The following B4GALNT3 variants were observed in gnomAD, a reference collection of about 807,000 sequenced individuals.
The protein encoded by B4GALNT3 is beta-1,4-N-acetyl-galactosaminyltransferase 3.
A neutral mutation model predicts 120.2 loss-of-function variants in B4GALNT3; 86 were observed. The observed-to-expected ratio is 0.72, with a 90% CI of 0.60 to 0.86. The LOEUF (loss-of-function observed/expected upper bound fraction) is 0.86. B4GALNT3 is among the 40% of genes least tolerant of loss of function. B4GALNT3 has a pLI of 0.00. For synonymous variants in B4GALNT3, 518 were observed against 510.4 expected, an observed-to-expected ratio of 1.01 and a Z score of -0.20; for missense variants, 1,167 against 1,298.9, an observed-to-expected ratio of 0.90 and a Z score of 1.56.
rs1946556694 is a variant in B4GALNT3 at position 511,438 on chromosome 12, C to CCTT, written c.170-23726_170-23724dup. ...ACCTTCCACCTTCCACCTTCTTCCA[C>CCTT]CTTCCACCTTCCACCTTCTTCCACC... On this transcript the variant is annotated intron_variant, in intron 1 of 19. Coordinates refer to ENST00000266383, the MANE Select transcript of B4GALNT3 (RefSeq NM_173593.4). Among the ~76,000 whole-genome samples the CCTT allele has an allele frequency of 1.0e-4, 6 of 59,398 alleles. 1 individual carries two copies. The highest frequency in any genetic ancestry group is 8.4e-4 in the South Asian group (1 of 1,194). 39.0% of individuals were successfully genotyped at this position (59,398 alleles called of 152,430 possible).
At chr12:474,966 A>G (rs1372357407) in intron 1 of B4GALNT3, among the ~76,000 whole-genome samples, 3 of 148,048 alleles carry the variant, frequency 2.0e-5, no homozygotes, top group Non-Finnish European at 3.0e-5. Context: ...AAAAAAAAAA[A>G]AGCCAAGTGT....
chr12:470,926 G>A (rs28615635), intron 1 of B4GALNT3, among the ~76,000 whole-genome samples: 12,529 of 151,336 alleles, frequency 0.083, 1,033 homozygotes, highest in African/African-American at 0.22. Flanking sequence ...TTTAGGTTTC[G>A]CCATGTTGGT....
chr12:555,156 C>T (rs556800832), intron 14 of B4GALNT3: 24 of 313,624 alleles, frequency 7.7e-5, no homozygotes, highest in African/African-American at 2.2e-4. Context: ...CCAGCCTGGG[C>T]GACAGAGTGA....
intron 1 of B4GALNT3, among the ~76,000 whole-genome samples, chr12:511,544 T>TCCTTCCA (rs1343213542): frequency 8.8e-6 from 1 of 114,114 alleles, no homozygotes; most frequent in African/African-American, 3.4e-5. Context: ...CCTTCTACCT[T>TCCTTCCA]CCTTCCACCT....
intron 1 of B4GALNT3, among the ~76,000 whole-genome samples, chr12:534,391 G>A (rs142808439): frequency 4.6e-5 from 7 of 152,220 alleles, no homozygotes; most frequent in East Asian, 1.9e-4. Flanking sequence ...GCCGGCCGCC[G>A]GACTGATTCT....
chr12:464,676 G>A (rs1946059685), intron 1 of B4GALNT3, among the ~76,000 whole-genome samples: 1 of 152,062 alleles, frequency 6.6e-6, no homozygotes, highest in Non-Finnish European at 1.5e-5. Flanking sequence ...CAGAGCCAAG[G>A]GATGACATTT....
chr12:460,276 TGGGCCGGGACGCG>T lies in B4GALNT3; in HGVS notation c.-96_-84del. 1 of 873,136 alleles carries T rather than the reference TGGGCCGGGACGCG, an allele frequency of 1.1e-6. No homozygotes were observed. Among genetic ancestry groups the T allele is most frequent in the Non-Finnish European group, 1.4e-6 (1 of 730,874 alleles). 54.1% of individuals were successfully genotyped at this position (873,136 alleles called of 1,614,324 possible). A position where few individuals can be genotyped will look rare whatever the true frequency, so the allele number is the denominator to read the frequency against. On this transcript the variant is annotated 5_prime_UTR_variant, in exon 1 of 20. Coordinates refer to ENST00000266383, the MANE Select transcript of B4GALNT3 (RefSeq NM_173593.4). This position sits in a 1 kb window ranked among gnomAD's most constrained non-coding sequence, Gnocchi z 8.0. ...CGGCCTCGGCGCAGCCCTGAGACGC[TGGGCCGGGACGCG>T]GGGCGCCCTGGGCGCGGGGCCCGGC...
rs1405722514 is a variant in B4GALNT3 at position 550,910 on chromosome 12, C to T, written c.998-12C>T. The T allele has an allele frequency of 6.3e-7, 1 of 1,596,524 alleles. No homozygotes were observed. Among genetic ancestry groups the T allele is most frequent in the Admixed American group, 1.7e-5 (1 of 59,960 alleles). The stretch of plus-strand genomic sequence containing the variant: ...ACCCTCACCCTCACTCCTCCTCCTC[C>T]ACTGTCCTCAGTGCCTCTGATCCCC... On this transcript the variant is annotated splice_polypyrimidine_tract_variant and intron_variant, in intron 10 of 19. Coordinates refer to ENST00000266383, the MANE Select transcript of B4GALNT3 (RefSeq NM_173593.4). This position sits in a 1 kb window ranked among gnomAD's most constrained non-coding sequence, Gnocchi z 4.1.
At chr12:464,400 C>T (rs1200032329) in intron 1 of B4GALNT3, among the ~76,000 whole-genome samples, 5 of 151,966 alleles carry the variant, frequency 3.3e-5, no homozygotes, top group African/African-American at 7.3e-5. Flanking sequence ...GAGGCCGAGG[C>T]GGGCAGATCA....
chr12:552,035 C>T, intron 11 of B4GALNT3, 28 bp from the exon 12 acceptor site: 1 of 1,502,264 alleles, frequency 6.7e-7, no homozygotes, highest in Non-Finnish European at 9.3e-7. Context: ...CACTCTCTTA[C>T]TCCTGCTGCT....
rs527555025 is a variant in B4GALNT3 at position 497,741 on chromosome 12, C to T, written c.169+37196C>T. Reference sequence around the variant, plus strand: ...GGTGGTCACTTTTCCTCATGCTTGACCTCCCGCTCTTTGTGTCTAAGTCAG... The same window carrying T: ...GGTGGTCACTTTTCCTCATGCTTGATCTCCCGCTCTTTGTGTCTAAGTCAG... On this transcript the variant is annotated intron_variant, in intron 1 of 19. Coordinates refer to ENST00000266383, the MANE Select transcript of B4GALNT3 (RefSeq NM_173593.4). Among the ~76,000 whole-genome samples the T allele has an allele frequency of 9.2e-5, 14 of 152,276 alleles. No homozygotes were observed. In the East Asian group the frequency reaches 2.7e-3, roughly 29 times the overall value.
intron 14 of B4GALNT3, among the ~76,000 whole-genome samples, chr12:555,974 A>G (rs7315420): frequency 0.2 from 30,494 of 149,846 alleles, 5,192 homozygotes; most frequent in African/African-American, 0.47. Context: ...TAGTAGAGAC[A>G]GGGTTTCACC....
chr12:523,791 A>C (rs1946735157), intron 1 of B4GALNT3, among the ~76,000 whole-genome samples: 1 of 152,256 alleles, frequency 6.6e-6, no homozygotes, highest in Non-Finnish European at 1.5e-5. Flanking sequence ...GGCCGGGCGC[A>C]GTGGCTCATG....
In B4GALNT3 at chr12:549,765, C is replaced by T. The variant is rs949138813; in HGVS notation, c.854-4C>T. 16 of 1,613,644 alleles carry T rather than the reference C, an allele frequency of 9.9e-6. No homozygotes were observed. The highest frequency in any genetic ancestry group is 1.4e-5 in the Non-Finnish European group (16 of 1,180,044). ...CTCCTGCTTTCTTTCCTCCCTGCGC[C>T]CAGATGAGACGTTCCTACAGATGGA... On this transcript the variant is annotated splice_polypyrimidine_tract_variant and splice_region_variant and intron_variant, in intron 9 of 19. Coordinates refer to ENST00000266383, the MANE Select transcript of B4GALNT3 (RefSeq NM_173593.4).
intron 1 of B4GALNT3, among the ~76,000 whole-genome samples, chr12:494,460 G>C (rs1946370981): frequency 6.6e-6 from 1 of 152,088 alleles, no homozygotes. Context: ...ACTGAACTTA[G>C]AAGCCAAGAG....
intron 1 of B4GALNT3, among the ~76,000 whole-genome samples, chr12:502,835 G>A (rs963925200): frequency 1.3e-5 from 2 of 152,156 alleles, no homozygotes; most frequent in African/African-American, 4.8e-5. Context: ...GCTCACTGCA[G>A]CCTTAATTCC....
chr12:529,198 C>G (rs1427370986), intron 1 of B4GALNT3, among the ~76,000 whole-genome samples: 1 of 152,154 alleles, frequency 6.6e-6, no homozygotes, highest in Non-Finnish European at 1.5e-5. Context: ...TCCGCATCTC[C>G]CCCTGTAGGT....
At chr12:538,595 T>C (rs1007317160) in intron 3 of B4GALNT3, among the ~76,000 whole-genome samples, 3 of 151,692 alleles carry the variant, frequency 2.0e-5, no homozygotes, top group Non-Finnish European at 4.4e-5. Context: ...ATATTGGCTA[T>C]TTTAGTAAGT....
rs565729988 is a variant in B4GALNT3, at chr12:553,564, C to A, written c.1641C>A (p.Pro547=). 1.2e-6 allele frequency: 2 copies of A among 1,613,930 alleles called. No individual in the cohort carries two copies. Among genetic ancestry groups the A allele is most frequent in the Non-Finnish European group, 1.7e-6 (2 of 1,179,916 alleles). Residue 547 remains proline, a synonymous_variant, in exon 14 of 20, where the codon CCC becomes CCA. Transcript: ENST00000266383. ...PVKNLPQMRG[P]RPRPAGDSPR... ...AGAACCTGCCTCAGATGAGGGGGCC[C>A]AGGCCCAGGCCCGCTGGTGACAGCC...
Sources: gnomAD v4.1 joint callset for allele counts (sites outside exome capture counted in the v4.1 genomes callset) on GRCh38, gnomAD v4.1.1 for gene constraint, Gnocchi (gnomAD v3.1) non-coding constraint, MANE v1.5 for transcripts, NCBI Gene and HGNC (gene_info 2026-07-23, HGNC 2026-07-21) for gene names.